GON4L: variants seen among roughly 807,000 people sequenced by gnomAD.
GON4L encodes the protein gon-4 like.
GON4L carries 87 observed loss-of-function variants against 211.8 expected under a neutral mutation model. The ratio of observed to expected loss-of-function variants is 0.41; its 90% CI spans 0.35 to 0.49. GON4L has a LOEUF of 0.49. GON4L is among the 20% of genes least tolerant of loss of function. The pLI is 0.15. For synonymous variants in GON4L, 875 were observed against 962.6 expected (o/e 0.91, Z 1.68); for missense variants, 2,155 against 2,659.5 (o/e 0.81, Z 4.17).
intron 2 of GON4L, among the ~76,000 whole-genome samples, chr1:155,840,850 T>G (rs778472929): frequency 6.6e-6 from 1 of 152,028 alleles, no homozygotes; most frequent in Non-Finnish European, 1.5e-5. Context: ...CTGACCAACA[T>G]GGAGAAACCC....
chr1:155,747,780 G>A, downstream of GON4L: 2 of 1,613,802 alleles, frequency 1.2e-6, no homozygotes, highest in Non-Finnish European at 1.7e-6. Context: ...GATCCTGTGT[G>A]ACCTGCACGA....
rs184685813 is a variant in GON4L at position 155,852,887 on chromosome 1, C to T, written c.505+389G>A. On this transcript the variant is annotated intron_variant, in intron 2 of 31. Transcript: ENST00000368331. The stretch of plus-strand genomic sequence containing the variant: ...CAGCACTTTGGGAGGCCAAGGCAAA[C>T]GTATCACCTGAGGTCAGGAGTTCGA... 7.4e-4 allele frequency among the ~76,000 whole-genome samples: 113 copies of T among 152,288 alleles called. No homozygotes were observed. The East Asian group carries it at 0.011, about 15-fold the overall frequency.
In GON4L at chr1:155,813,629, T is replaced by C. The variant is rs753527467; in HGVS notation, c.1452+5A>G. On this transcript the variant is annotated splice_donor_5th_base_variant and intron_variant, in intron 10 of 31. Transcript: ENST00000368331. The stretch of plus-strand genomic sequence containing the variant: ...TTCTCAGTTAAGTACAGTTTTAATA[T>C]TTACCTGGAAAGAATCCATGCAGAC... 2 of 1,605,904 alleles carry C rather than the reference T, an allele frequency of 1.2e-6. No homozygotes were observed. Among genetic ancestry groups the C allele is most frequent in the Admixed American group, 1.7e-5 (1 of 60,006 alleles).
chr1:155,747,911 G>T, downstream of GON4L: 1 of 1,563,492 alleles, frequency 6.4e-7, no homozygotes, highest in Non-Finnish European at 8.7e-7. Flanking sequence ...GTGGAACTTG[G>T]AGGAGTAAAC....
At chr1:155,808,045 T>TTTA (rs1667328088) in intron 10 of GON4L, among the ~76,000 whole-genome samples, 3 of 150,710 alleles carry the variant, frequency 2.0e-5, no homozygotes, top group Admixed American at 6.6e-5. Flanking sequence ...TTATTTATTT[T>TTTA]TTTTTTTTTT....
In GON4L at chr1:155,853,393, T is replaced by C. The variant is rs774297191; in HGVS notation, c.388A>G (p.Arg130Gly). The change falls in exon 2 of 32, where the codon AGA becomes GGA. Residue 130 changes from arginine (R) to glycine (G), a missense_variant. By Grantham distance (125) the Arg-to-Gly change is moderately radical. Coordinates refer to ENST00000368331, the MANE Select transcript of GON4L (RefSeq NM_001282860.2). Reference protein sequence around the residue: ...KGKLHATGSKRGKKMTLRPGP... With the variant: ...KGKLHATGSKGGKKMTLRPGP... ...GGCCTGAGTGTCATTTTTTTCCCTC[T>C]CTTTGAGCCAGTAGCGTGGAGTTTT... is the stretch of plus-strand genomic sequence containing the variant. 46 of 1,614,088 alleles carry C rather than the reference T, an allele frequency of 2.8e-5. No homozygotes were observed. Among genetic ancestry groups the C allele is most frequent in the Non-Finnish European group, 3.6e-5 (42 of 1,180,028 alleles).
At chr1:155,828,095 C>T (rs141972601) in intron 2 of GON4L, among the ~76,000 whole-genome samples, 182 of 151,696 alleles carry the variant, frequency 1.2e-3, no homozygotes, top group African/African-American at 4.3e-3. Context: ...GAGTTCAAGG[C>T]TGCAGTGAGC....
Position 155,771,013 on chromosome 1 carries a change from AG to A in GON4L, c.2646+53del, listed in dbSNP as rs1663137651. ...TTTTCTTTGAGAATAACAAGATAAA[AG>A]AATGGGTACATATTGGTGAGGTGCC... On this transcript the variant is annotated intron_variant, in intron 19 of 31. Transcript: ENST00000368331. The A allele has an allele frequency of 5.6e-6, 9 of 1,611,180 alleles. No individual in the cohort carries two copies. The South Asian group carries it at 9.9e-5, about 18-fold the overall frequency.
intron 6 of GON4L, among the ~76,000 whole-genome samples, chr1:155,817,989 T>C (rs1483057170): frequency 6.6e-6 from 1 of 151,634 alleles, no homozygotes; most frequent in Non-Finnish European, 1.5e-5. Context: ...CTTGCTCTCC[T>C]ACGTAAACTA....
chr1:155,853,951 G>A (rs1409201127), intron 1 of GON4L, 145 bp from the exon 2 acceptor site: 2 of 645,332 alleles, frequency 3.1e-6, no homozygotes, highest in South Asian at 1.9e-5. Context: ...GAAGTTGAGA[G>A]ACAGTGGTTA....
intron 2 of GON4L, among the ~76,000 whole-genome samples, chr1:155,851,186 C>G (rs562780190): frequency 9.9e-5 from 15 of 151,358 alleles, no homozygotes; most frequent in African/African-American, 3.6e-4. Context: ...AACCCCGTCT[C>G]TACTAAAAAT....
chr1:155,759,964 A>T (rs993111287), intron 24 of GON4L, among the ~76,000 whole-genome samples: 106 of 134,050 alleles, frequency 7.9e-4, no homozygotes, highest in African/African-American at 3.3e-3. Context: ...TATTTTATAT[A>T]TTATATATAT....
intron 27 of GON4L, among the ~76,000 whole-genome samples, chr1:155,756,036 T>C (rs1381367935): frequency 6.6e-6 from 1 of 151,354 alleles, no homozygotes; most frequent in African/African-American, 2.4e-5. Context: ...ACTCCACAGA[T>C]GGCTTACCTG....
At chr1:155,763,000 C>G (rs1041644491) in intron 22 of GON4L, among the ~76,000 whole-genome samples, 2 of 151,356 alleles carry the variant, frequency 1.3e-5, no homozygotes, top group African/African-American at 4.9e-5. Context: ...CGCACCACTG[C>G]ACTCCAGCCT....
At chr1:155,790,879 G>C (rs1161187202) in intron 12 of GON4L, among the ~76,000 whole-genome samples, 2 of 151,854 alleles carry the variant, frequency 1.3e-5, no homozygotes, top group African/African-American at 4.8e-5. Flanking sequence ...GGGAGTCGGA[G>C]GTTGCAGTGA....
At chr1:155,791,919 TAACATCACATAAC>T (rs1184857829) in intron 12 of GON4L, among the ~76,000 whole-genome samples, 1,250 of 121,866 alleles carry the variant, frequency 0.01, 21 homozygotes, top group African/African-American at 0.035. Flanking sequence ...TAACATAACA[TAACATCACATAAC>T]ATAACATAAC....
chr1:155,761,897 A>G (rs1054098559), intron 23 of GON4L, among the ~76,000 whole-genome samples: 1 of 152,208 alleles, frequency 6.6e-6, no homozygotes, highest in Non-Finnish European at 1.5e-5. Context: ...GGTCCTTATC[A>G]GCGCACCCAG....
At chr1:155,829,955 G>GT (rs1340667477) in intron 2 of GON4L, among the ~76,000 whole-genome samples, 241 of 144,180 alleles carry the variant, frequency 1.7e-3, no homozygotes, top group Admixed American at 1.6e-3. Flanking sequence ...CAGTTTTTTT[G>GT]TTTTTTTTTT....
At position 155,822,487 on chromosome 1, in the gene GON4L, AC is replaced by A. The variant is rs1367420596; in HGVS notation, c.698-12del. On this transcript the variant is annotated splice_polypyrimidine_tract_variant and intron_variant, in intron 3 of 31. Coordinates refer to ENST00000368331, the MANE Select transcript of GON4L (RefSeq NM_001282860.2). ...CATTGTCTTGTTCTTCTGCAAATAA[AC>A]CAAGAACATCATCAGAATTCCAAAA... 6.2e-7 allele frequency: 1 copy of A among 1,603,822 alleles called. No homozygotes were observed. The highest frequency in any genetic ancestry group is 8.5e-7 in the Non-Finnish European group (1 of 1,172,360).
Sources: allele counts gnomAD v4.1 joint callset (sites outside exome capture counted in the v4.1 genomes callset), GRCh38; gene constraint gnomAD v4.1.1; transcripts MANE v1.5; gene names NCBI Gene and HGNC (gene_info 2026-07-23, HGNC 2026-07-21).